Variants in FSBP observed in about 807,000 individuals in gnomAD.
FSBP encodes fibrinogen silencer-binding protein.
FSBP carries 18 observed loss-of-function variants against 24.6 expected under a neutral mutation model. That is an observed-to-expected ratio of 0.73 (90% CI 0.51 to 1.08). The LOEUF is 1.08. Among genes scored for constraint, FSBP ranks in the 50% least tolerant of loss-of-function variants. The pLI is 0.00. For synonymous variants in FSBP, 110 were observed against 125.8 expected (o/e 0.87, Z 0.84); for missense variants, 305 against 347.6 (o/e 0.88, Z 0.98).
Position 94,429,387 on chromosome 8 carries a change from C to A in FSBP, c.*2744G>T. Reference sequence around the variant, plus strand: ...CCACCAAAAATAAAAAAGATGTATACTGCACTTTTTTTTAACACAGATCTC... The same window carrying A: ...CCACCAAAAATAAAAAAGATGTATAATGCACTTTTTTTTAACACAGATCTC... On this transcript the variant is annotated 3_prime_UTR_variant, in exon 2 of 2. Coordinates refer to ENST00000481490, the MANE Select transcript of FSBP (RefSeq NM_001256141.2). 1 of 751,080 alleles carries A rather than the reference C, an allele frequency of 1.3e-6. No individual in the cohort carries two copies. 46.5% of individuals were successfully genotyped at this position (751,080 alleles called of 1,614,324 possible).
At chr8:94,436,009 T>C (rs1236221776) in intron 1 of FSBP, among the ~76,000 whole-genome samples, 1 of 152,164 alleles carries the variant, frequency 6.6e-6, no homozygotes, top group East Asian at 1.9e-4. Flanking sequence ...TGATTTTGTT[T>C]ATATTTGTTA....
chr8:94,432,688 A>G (rs1812139685), intron 1 of FSBP, 32 bp from the exon 2 acceptor site: 1 of 1,424,646 alleles, frequency 7.0e-7, no homozygotes, highest in East Asian at 2.5e-5. Flanking sequence ...TATAATATGT[A>G]AATCAAATGA....
In FSBP at chr8:94,436,690, C is replaced by T. The variant is rs1292880868; in HGVS notation, c.179G>A (p.Arg60His). The change falls in exon 1 of 2, where the codon CGC becomes CAC. Residue 60 changes from arginine (R) to histidine (H), a missense_variant. By Grantham distance (29) the Arg-to-His change is conservative (BLOSUM62 0). Transcript: ENST00000481490. Reference sequence around the variant, plus strand: ...TAGGCCCTGTGCTGTTCGAGGAGGGCGGTCTACTCCAATTGCATTATAGTT... The same window carrying T: ...TAGGCCCTGTGCTGTTCGAGGAGGGTGGTCTACTCCAATTGCATTATAGTT... ...AVNYNAIGVD[R>H]PPRTAQGLRT... 4 of 1,550,490 alleles carry T rather than the reference C, an allele frequency of 2.6e-6. No individual in the cohort carries two copies. Among genetic ancestry groups the T allele is most frequent in the South Asian group, 2.4e-5 (2 of 84,050 alleles).
In FSBP at chr8:94,430,444, G is replaced by T; in HGVS notation, c.*1687C>A. ...GACTAGTATGATTTAGGCACCAAGCGAGGTTCCAAAATACTCTGTTTCACT... is the reference window on the plus strand; with the variant it reads ...GACTAGTATGATTTAGGCACCAAGCTAGGTTCCAAAATACTCTGTTTCACT... On this transcript the variant is annotated 3_prime_UTR_variant, in exon 2 of 2. Transcript: ENST00000481490. 2 of 984,962 alleles carry T rather than the reference G, an allele frequency of 2.0e-6. No homozygotes were observed. The highest frequency in any genetic ancestry group is 2.4e-6 in the Non-Finnish European group (2 of 829,648). 61.0% of individuals were successfully genotyped at this position (984,962 alleles called of 1,614,324 possible).
chr8:94,433,697 A>G (rs1812180819), intron 1 of FSBP, among the ~76,000 whole-genome samples: 1 of 151,852 alleles, frequency 6.6e-6, no homozygotes, highest in Non-Finnish European at 1.5e-5. Flanking sequence ...CTGCTCCTTG[A>G]GGTTGTTTTT....
Position 94,429,137 on chromosome 8 carries a change from G to A in FSBP, c.*2994C>T, listed in dbSNP as rs1812018994. On this transcript the variant is annotated 3_prime_UTR_variant, in exon 2 of 2. Transcript: ENST00000481490. ...AGTAAACTCAAAGAGTGTGATTCTG[G>A]TGTTTAAAAATATGTAAAAATAGGT... 1.0e-6 allele frequency: 1 copy of A among 983,290 alleles called. No homozygotes were observed. Among genetic ancestry groups the A allele is most frequent in the South Asian group, 4.7e-5 (1 of 21,248 alleles). The allele number at this position is 983,290 out of a possible 1,614,324, so 60.9% of individuals were successfully genotyped here.
intron 1 of FSBP, among the ~76,000 whole-genome samples, chr8:94,435,128 A>G (rs1469362926): frequency 6.6e-6 from 1 of 152,062 alleles, no homozygotes; most frequent in East Asian, 1.9e-4. Context: ...CAAGGGAGAG[A>G]AAATTCTGCA....
At chr8:94,434,174 T>A (rs973167024) in intron 1 of FSBP, among the ~76,000 whole-genome samples, 2 of 151,894 alleles carry the variant, frequency 1.3e-5, no homozygotes, top group South Asian at 2.1e-4. Flanking sequence ...AAATTGCATA[T>A]GAAAATTAAG....
Position 94,436,896 on chromosome 8 carries a change from T to TC in FSBP, c.-29dup. 6.7e-7 allele frequency: 1 copy of TC among 1,489,290 alleles called. No individual in the cohort carries two copies. The highest frequency in any genetic ancestry group is 8.9e-7 in the Non-Finnish European group (1 of 1,122,200). 92.3% of individuals were successfully genotyped at this position (1,489,290 alleles called of 1,614,324 possible). A position where few individuals can be genotyped will look rare whatever the true frequency, so the allele number is the denominator to read the frequency against. On this transcript the variant is annotated 5_prime_UTR_variant, in exon 1 of 2. An upstream open reading frame in the 5' UTR loses its in-frame stop. Coordinates refer to ENST00000481490, the MANE Select transcript of FSBP (RefSeq NM_001256141.2). Reference sequence around the variant, plus strand: ...TTCTTTTCAAATTAAGTAGGCAGTTTCTGAAACCACCATGCAGCCTTCAGC... The same window carrying TC: ...TTCTTTTCAAATTAAGTAGGCAGTTTCCTGAAACCACCATGCAGCCTTCAGC...
In FSBP at chr8:94,430,099, G is replaced by A; in HGVS notation, c.*2032C>T. 1.2e-6 allele frequency: 1 copy of A among 846,034 alleles called. No homozygotes were observed. The highest frequency in any genetic ancestry group is 1.4e-6 in the Non-Finnish European group (1 of 703,196). 52.4% of individuals were successfully genotyped at this position (846,034 alleles called of 1,614,324 possible). On this transcript the variant is annotated 3_prime_UTR_variant, in exon 2 of 2. Transcript: ENST00000481490. ...GAGGCCGAGGCGGGCAGATCACGAG[G>A]TCAGGAGATCAAGACCATCCTGGCT...
chr8:94,436,403 T>G (rs1812262501), intron 1 of FSBP, 92 bp downstream of exon 1: 1 of 1,375,960 alleles, frequency 7.3e-7, no homozygotes, highest in Non-Finnish European at 9.5e-7. Flanking sequence ...GTTGTGGGGA[T>G]GCTTACTATG....
In FSBP at chr8:94,430,061, C is replaced by T. The variant is rs529067174; in HGVS notation, c.*2070G>A. 1.6e-3 allele frequency: 1,537 copies of T among 977,716 alleles called. 2 individuals are homozygous for T. Among genetic ancestry groups the T allele is most frequent in the Non-Finnish European group, 1.7e-3 (1,432 of 823,044 alleles). The allele number at this position is 977,716 out of a possible 1,614,324, so 60.6% of individuals were successfully genotyped here. ...GGGCACGGTGGCTCAAGCCTGTAATCCCAGCACTTTGGGAGGCCGAGGCGG... is the reference window on the plus strand; with the variant it reads ...GGGCACGGTGGCTCAAGCCTGTAATTCCAGCACTTTGGGAGGCCGAGGCGG... On this transcript the variant is annotated 3_prime_UTR_variant, in exon 2 of 2. Transcript: ENST00000481490.
Position 94,432,363 on chromosome 8 carries a change from T to C in FSBP, c.668A>G (p.Glu223Gly). 6.5e-7 allele frequency: 1 copy of C among 1,550,362 alleles called. No homozygotes were observed. Among genetic ancestry groups the C allele is most frequent in the Non-Finnish European group, 8.7e-7 (1 of 1,146,848 alleles). Reference sequence around the variant, plus strand: ...ATACCCTAATAGTGACCTAAAGTGTTCACCACTCTCATGCCGAAAAAAATC... The same window carrying C: ...ATACCCTAATAGTGACCTAAAGTGTCCACCACTCTCATGCCGAAAAAAATC... Reference protein sequence around the residue: ...RDDFFRHESGEHFRSLLGYDP... With the variant: ...RDDFFRHESGGHFRSLLGYDP... Residue 223 changes from glutamate to glycine, a missense_variant, in exon 2 of 2, where the codon GAA (glutamate) becomes GGA (glycine). By Grantham distance (98) the Glu-to-Gly change is moderately conservative. Transcript: ENST00000481490.
At chr8:94,436,406 T>C (rs1812262614) in intron 1 of FSBP, 89 bp downstream of exon 1, 1 of 1,398,172 alleles carries the variant, frequency 7.2e-7, no homozygotes, top group Non-Finnish European at 9.4e-7. Context: ...GTGGGGATGC[T>C]TACTATGCAT....
chr8:94,430,986 C>G lies in FSBP; in HGVS notation c.*1145G>C. On this transcript the variant is annotated 3_prime_UTR_variant, in exon 2 of 2. Transcript: ENST00000481490. ...TTTGTCTTTTTTCCAGCGTCTCACTCTTGACTTCAAACACCCATGGTCCCC... is the reference window on the plus strand; with the variant it reads ...TTTGTCTTTTTTCCAGCGTCTCACTGTTGACTTCAAACACCCATGGTCCCC... The G allele has an allele frequency of 1.0e-6, 1 of 985,352 alleles. No homozygotes were observed. Among genetic ancestry groups the G allele is most frequent in the Non-Finnish European group, 1.2e-6 (1 of 829,926 alleles). 61.0% of individuals were successfully genotyped at this position (985,352 alleles called of 1,614,324 possible).
Position 94,430,878 on chromosome 8 carries a change from AT to A in FSBP, c.*1252del. Reference sequence around the variant, plus strand: ...CCTAGTCCAGGATACTACAGCCCAAATTGACTCTCTCTACATTCACTTAAAA... The same window carrying A: ...CCTAGTCCAGGATACTACAGCCCAAATGACTCTCTCTACATTCACTTAAAA... On this transcript the variant is annotated 3_prime_UTR_variant, in exon 2 of 2. Transcript: ENST00000481490. The A allele has an allele frequency of 1.0e-6, 1 of 985,338 alleles. No individual in the cohort carries two copies. The highest frequency in any genetic ancestry group is 1.7e-5 in the African/African-American group (1 of 57,332). The allele number at this position is 985,338 out of a possible 1,614,324, so 61.0% of individuals were successfully genotyped here. A position where few individuals can be genotyped will look rare whatever the true frequency, so the allele number is the denominator to read the frequency against.
rs1812099566 is a variant in FSBP, at chr8:94,431,653, A to AT, written c.*477dup. The AT allele has an allele frequency of 1.0e-5, 10 of 963,810 alleles. No homozygotes were observed. The highest frequency in any genetic ancestry group is 1.2e-5 in the Non-Finnish European group (10 of 810,312). The allele number at this position is 963,810 out of a possible 1,614,324, so 59.7% of individuals were successfully genotyped here. The stretch of plus-strand genomic sequence containing the variant: ...AAAAAGTGTTCTCCAAATATCTTCC[A>AT]TCTCTAAAATCCTAGGATTTACTCC... On this transcript the variant is annotated 3_prime_UTR_variant, in exon 2 of 2. Transcript: ENST00000481490.
chr8:94,429,135 T>C lies in FSBP; in HGVS notation c.*2996A>G, dbSNP rs529760125. ...GCAGTAAACTCAAAGAGTGTGATTC[T>C]GGTGTTTAAAAATATGTAAAAATAG... On this transcript the variant is annotated 3_prime_UTR_variant, in exon 2 of 2. Transcript: ENST00000481490. 38 of 983,868 alleles carry C rather than the reference T, an allele frequency of 3.9e-5. No homozygotes were observed. In the African/African-American group the frequency reaches 6.3e-4, roughly 16 times the overall value. The allele number at this position is 983,868 out of a possible 1,614,324, so 60.9% of individuals were successfully genotyped here.
At chr8:94,436,002 T>C (rs1225705251) in intron 1 of FSBP, among the ~76,000 whole-genome samples, 1 of 152,172 alleles carries the variant, frequency 6.6e-6, no homozygotes, top group Non-Finnish European at 1.5e-5. Flanking sequence ...TACTTATTGA[T>C]TTTGTTTATA....
Sources: allele counts gnomAD v4.1 joint callset (sites outside exome capture counted in the v4.1 genomes callset), GRCh38; gene constraint gnomAD v4.1.1; transcripts MANE v1.5; gene names NCBI Gene and HGNC (gene_info 2026-07-23, HGNC 2026-07-21).